ANKFN1: variants seen among roughly 807,000 people sequenced by gnomAD.
The protein encoded by ANKFN1 is ankyrin repeat and fibronectin type-III domain-containing protein 1.
A neutral mutation model predicts 108.7 loss-of-function variants in ANKFN1; 74 were observed. The ratio of observed to expected loss-of-function variants is 0.68; its 90% CI spans 0.56 to 0.83. The LOEUF (loss-of-function observed/expected upper bound fraction) is 0.83, where lower values mean the gene tolerates loss of function less well. Among genes scored for constraint, ANKFN1 ranks in the 40% least tolerant of loss-of-function variants. The probability of loss-of-function intolerance (pLI) is 0.00; values close to 1 mark genes in which losing one functional copy is unlikely to be tolerated. For missense variants in ANKFN1, 1,505 were observed against 1,382.3 expected, an observed-to-expected ratio of 1.09 and a Z score of -1.41; for synonymous variants, 547 against 516.2, an observed-to-expected ratio of 1.06 and a Z score of -0.81.
At chr17:56,264,887 G>A (rs2043609403) in intron 3 of ANKFN1, among the ~76,000 whole-genome samples, 1 of 151,966 alleles carries the variant, frequency 6.6e-6, no homozygotes, top group African/African-American at 2.4e-5. Context: ...AAATACTTTG[G>A]GGTCTTTTTT....
At chr17:56,172,117 G>A (rs910784981) in intron 1 of ANKFN1, among the ~76,000 whole-genome samples, 1 of 152,074 alleles carries the variant, frequency 6.6e-6, no homozygotes, top group Non-Finnish European at 1.5e-5. Context: ...TTTTCTGAAA[G>A]GTAAGTATTA....
chr17:56,354,158 T>C, intron 6 of ANKFN1, 112 bp downstream of exon 6: 3 of 1,007,238 alleles, frequency 3.0e-6, no homozygotes, highest in Non-Finnish European at 4.4e-6. Context: ...AAGCATAGAC[T>C]CTGATAGGCT....
intron 3 of ANKFN1, among the ~76,000 whole-genome samples, chr17:56,245,408 C>T (rs533216758): frequency 3.6e-4 from 55 of 152,216 alleles, no homozygotes; most frequent in African/African-American, 1.3e-3. Context: ...AGTGATCCTT[C>T]CTGCCACACT....
At chr17:56,291,501 C>A (rs1055347336) in intron 3 of ANKFN1, among the ~76,000 whole-genome samples, 2 of 152,106 alleles carry the variant, frequency 1.3e-5, no homozygotes, top group East Asian at 1.9e-4. Context: ...CATTTAGGGG[C>A]CTTATGGTAT....
intron 2 of ANKFN1, among the ~76,000 whole-genome samples, chr17:56,222,140 G>A (rs1052488518): frequency 6.6e-6 from 1 of 152,180 alleles, no homozygotes; most frequent in Non-Finnish European, 1.5e-5. Flanking sequence ...GTATGGCTGA[G>A]GAGGAGCCCA....
intron 4 of ANKFN1, among the ~76,000 whole-genome samples, chr17:56,072,900 C>G (rs1246974050): frequency 2.6e-5 from 4 of 152,214 alleles, no homozygotes; most frequent in African/African-American, 7.2e-5. Context: ...CCAAATGTAT[C>G]CTGGCCAGGA....
rs1233700631 is a variant in ANKFN1 at position 56,249,348 on chromosome 17, C to T, written c.53+21391C>T. Among the ~76,000 whole-genome samples, 12 of 151,970 alleles carry T rather than the reference C, an allele frequency of 7.9e-5. No individual in the cohort carries two copies. The South Asian group carries it at 1.2e-3, about 16-fold the overall frequency. On this transcript the variant is annotated intron_variant, in intron 3 of 20. Transcript: ENST00000682825. ...ACTTGGGAGGCTGAAGCAGGAGAAT[C>T]GCTTGAACTTGGGAGGCAGAGATTG...
chr17:56,300,262 G>A (rs575953933), intron 3 of ANKFN1, among the ~76,000 whole-genome samples: 2 of 152,300 alleles, frequency 1.3e-5, no homozygotes, highest in Middle Eastern at 6.8e-3. Flanking sequence ...TTCAGTTACA[G>A]AGGTTCCAAT....
At chr17:56,472,347 T>C (rs781233261) in intron 15 of ANKFN1, 6 of 152,190 alleles carry the variant, frequency 3.9e-5, no homozygotes, top group Non-Finnish European at 8.8e-5. Flanking sequence ...TCATGGATGG[T>C]TGAGTTTTCA....
intron 10 of ANKFN1, among the ~76,000 whole-genome samples, chr17:56,444,819 T>G (rs7208145): frequency 0.53 from 81,262 of 152,052 alleles, 26,427 homozygotes; most frequent in East Asian, 0.87. Flanking sequence ...GGTACATGGC[T>G]GAACCAGGAC....
chr17:56,123,746 T>C (rs896440129), intron 4 of ANKFN1, among the ~76,000 whole-genome samples: 4 of 152,166 alleles, frequency 2.6e-5, no homozygotes, highest in Middle Eastern at 3.4e-3. Context: ...TTTGTTTTTT[T>C]CTAAAGGCCT....
chr17:56,463,031 C>A (rs1193701499), intron 14 of ANKFN1, among the ~76,000 whole-genome samples: 1 of 152,188 alleles, frequency 6.6e-6, no homozygotes, highest in Non-Finnish European at 1.5e-5. Context: ...GCATATCAAG[C>A]ACTGTGCAAT....
At chr17:56,311,139 T>G (rs1598390748) in intron 3 of ANKFN1, among the ~76,000 whole-genome samples, 1 of 151,540 alleles carries the variant, frequency 6.6e-6, no homozygotes, top group Non-Finnish European at 1.5e-5. Context: ...TTTCTCTCTC[T>G]CTCTCGCTCA....
At chr17:56,506,754 A>C (rs992738379) in intron 20 of ANKFN1, among the ~76,000 whole-genome samples, 4 of 151,470 alleles carry the variant, frequency 2.6e-5, no homozygotes, top group Admixed American at 2.6e-4. Context: ...ACTAAGTGCC[A>C]CTCCTCAGGA....
chr17:56,326,182 G>C (rs778420260), intron 3 of ANKFN1, 39 bp from the exon 4 acceptor site: 1 of 1,587,534 alleles, frequency 6.3e-7, no homozygotes, highest in Admixed American at 1.8e-5. Flanking sequence ...TTCGGCTCTT[G>C]CCTGTAGTGA....
At chr17:56,192,219 TC>T in intron 1 of ANKFN1, among the ~76,000 whole-genome samples, 1 of 149,314 alleles carries the variant, frequency 6.7e-6, no homozygotes, top group Non-Finnish European at 1.5e-5. Context: ...TGAAACTGGA[TC>T]CCTTCCTTAC....
intron 4 of ANKFN1, among the ~76,000 whole-genome samples, chr17:56,332,690 C>A (rs548445324): frequency 6.6e-6 from 1 of 152,214 alleles, no homozygotes; most frequent in East Asian, 1.9e-4. Flanking sequence ...ATATGGCTAG[C>A]CTTAATCTAA....
chr17:56,467,634 G>A (rs529121485), intron 15 of ANKFN1, among the ~76,000 whole-genome samples: 24 of 146,516 alleles, frequency 1.6e-4, no homozygotes, highest in East Asian at 4.0e-4. Flanking sequence ...CCGAGATCAC[G>A]CTACTGCACT....
intron 3 of ANKFN1, among the ~76,000 whole-genome samples, chr17:56,271,177 T>C (rs2043784234): frequency 6.6e-6 from 1 of 151,876 alleles, no homozygotes; most frequent in South Asian, 2.1e-4. Context: ...CCAGCTAATA[T>C]TTTGTGTGTT....
Sources: gnomAD v4.1 joint callset for allele counts (sites outside exome capture counted in the v4.1 genomes callset) on GRCh38, gnomAD v4.1.1 for gene constraint, MANE v1.5 for transcripts, NCBI Gene and HGNC (gene_info 2026-07-23, HGNC 2026-07-21) for gene names.